The following ARHGAP26 variants were observed in gnomAD, a reference collection of about 807,000 sequenced individuals.
ARHGAP26 encodes the protein Rho GTPase activating protein 26.
In ARHGAP26, 38 loss-of-function variants were observed where a neutral mutation model predicts 104.8. That is an observed-to-expected ratio of 0.36 (90% CI 0.28 to 0.48). ARHGAP26 has a LOEUF of 0.48. Among genes scored for constraint, ARHGAP26 ranks in the 20% least tolerant of loss-of-function variants. ARHGAP26 has a pLI of 0.99. For missense variants in ARHGAP26, 704 were observed against 947.9 expected, an observed-to-expected ratio of 0.74 and a Z score of 3.38; for synonymous variants, 341 against 340.0, an observed-to-expected ratio of 1.00 and a Z score of -0.03.
chr5:142,981,453 A>G (rs1374808627), intron 11 of ARHGAP26, among the ~76,000 whole-genome samples: 1 of 152,176 alleles, frequency 6.6e-6, no homozygotes, highest in Non-Finnish European at 1.5e-5. Flanking sequence ...TGAGCCATGC[A>G]GGCACCTTCC....
intron 1 of ARHGAP26, among the ~76,000 whole-genome samples, chr5:142,858,629 C>T (rs1052693062): frequency 1.3e-5 from 2 of 152,136 alleles, no homozygotes; most frequent in African/African-American, 2.4e-5. Context: ...GGGCTTCTGG[C>T]GTGCTAGAAT....
intron 1 of ARHGAP26, 50 bp from the exon 2 acceptor site, chr5:142,873,350 G>C: frequency 1.4e-6 from 2 of 1,438,778 alleles, no homozygotes; most frequent in Non-Finnish European, 1.9e-6. Flanking sequence ...AAATCAGAAA[G>C]CCAGTTTAAT....
rs2152377431 is a variant in ARHGAP26, at chr5:142,877,278, C to T, written c.313-2096C>T. 3.3e-5 allele frequency among the ~76,000 whole-genome samples: 5 copies of T among 152,338 alleles called. No individual in the cohort carries two copies. The Middle Eastern group carries it at 0.014, about 415-fold the overall frequency. ...CAGTTAAGCTCAGCAAGCAAAGCCG[C>T]ACCTTCTCTGGGAAGCGTTTCCTGA... is the stretch of plus-strand genomic sequence containing the variant. On this transcript the variant is annotated intron_variant, in intron 3 of 22. Coordinates refer to ENST00000645722, the MANE Select transcript of ARHGAP26 (RefSeq NM_001135608.3).
At chr5:142,980,352 C>CTTTATTTTGT in intron 11 of ARHGAP26, among the ~76,000 whole-genome samples, 1 of 131,536 alleles carries the variant, frequency 7.6e-6, no homozygotes, top group East Asian at 2.2e-4. Context: ...CTCTAGGAAC[C>CTTTATTTTGT]TTTATTTTAT....
intron 1 of ARHGAP26, among the ~76,000 whole-genome samples, chr5:142,779,126 G>C (rs1173765519): frequency 6.6e-6 from 1 of 152,132 alleles, no homozygotes; most frequent in Non-Finnish European, 1.5e-5. Context: ...TAACCTCCAG[G>C]CTCAGGGACT....
At chr5:142,825,868 G>A (rs139682298) in intron 1 of ARHGAP26, among the ~76,000 whole-genome samples, 3 of 152,186 alleles carry the variant, frequency 2.0e-5, no homozygotes, top group Non-Finnish European at 2.9e-5. Flanking sequence ...CACAGTTCTC[G>A]AATCTGCCTG....
At chr5:143,066,849 G>C (rs3822393) in intron 17 of ARHGAP26, among the ~76,000 whole-genome samples, 110,875 of 152,108 alleles carry the variant, frequency 0.73, 40,785 homozygotes, top group African/African-American at 0.79. Context: ...CAGCACAGGG[G>C]CAGCTGGGAG....
At chr5:143,163,315 A>G (rs1189793391) in intron 20 of ARHGAP26, among the ~76,000 whole-genome samples, 1 of 152,164 alleles carries the variant, frequency 6.6e-6, no homozygotes, top group Non-Finnish European at 1.5e-5. Flanking sequence ...GGATCTTGGC[A>G]ATTGTAGGCA....
chr5:143,078,752 A>C (rs1455175414), intron 17 of ARHGAP26, among the ~76,000 whole-genome samples: 1 of 152,232 alleles, frequency 6.6e-6, no homozygotes, highest in African/African-American at 2.4e-5. Context: ...GCCTGTGTCC[A>C]ACTGTGGTGA....
At chr5:143,075,049 C>T (rs1788791804) in intron 17 of ARHGAP26, among the ~76,000 whole-genome samples, 1 of 152,196 alleles carries the variant, frequency 6.6e-6, no homozygotes, top group African/African-American at 2.4e-5. Flanking sequence ...AGTGGGTTAT[C>T]ATTAGATAAT....
chr5:142,789,808 C>G (rs1759429081), intron 1 of ARHGAP26, among the ~76,000 whole-genome samples: 2 of 152,174 alleles, frequency 1.3e-5, no homozygotes, highest in Admixed American at 1.3e-4. Context: ...CATATCTAGA[C>G]TGGGTTATGA....
intron 1 of ARHGAP26, among the ~76,000 whole-genome samples, chr5:142,786,260 G>GTT (rs374118455): frequency 1.3e-3 from 200 of 151,978 alleles, no homozygotes; most frequent in African/African-American, 4.4e-3. Flanking sequence ...GGGATTACAG[G>GTT]TGTAAGCCAT....
chr5:143,023,974 G>C (rs1358403052), intron 12 of ARHGAP26, among the ~76,000 whole-genome samples: 2 of 152,192 alleles, frequency 1.3e-5, no homozygotes, highest in Non-Finnish European at 2.9e-5. Flanking sequence ...AGGCGAGGTG[G>C]TATAATTCTA....
intron 1 of ARHGAP26, among the ~76,000 whole-genome samples, chr5:142,824,216 T>A (rs189228974): frequency 1.8e-4 from 28 of 152,344 alleles, no homozygotes; most frequent in Admixed American, 1.8e-3. Context: ...GGGATGTTCT[T>A]GCAATCCAGG....
In ARHGAP26 at chr5:143,167,482, C is replaced by CAA. The variant is rs6149274; in HGVS notation, c.1988+20136_1988+20137dup. The stretch of plus-strand genomic sequence containing the variant: ...TGCATGACAGAGCAAGACTCCATCT[C>CAA]AAAAAAAAAAAAAAAAAAAAAAAAA... On this transcript the variant is annotated intron_variant, in intron 20 of 22. Coordinates refer to ENST00000645722, the MANE Select transcript of ARHGAP26 (RefSeq NM_001135608.3). Among the ~76,000 whole-genome samples, 29 of 60,086 alleles carry CAA rather than the reference C, an allele frequency of 4.8e-4. 4 individuals are homozygous for CAA. Among genetic ancestry groups the CAA allele is most frequent in the Non-Finnish European group, 5.8e-4 (21 of 36,286 alleles). The allele number at this position is 60,086 out of a possible 152,430, so 39.4% of individuals were successfully genotyped here. A position where few individuals can be genotyped will look rare whatever the true frequency, so the allele number is the denominator to read the frequency against.
chr5:142,943,027 T>G (rs1399000319), intron 11 of ARHGAP26, among the ~76,000 whole-genome samples: 1 of 152,210 alleles, frequency 6.6e-6, no homozygotes, highest in Non-Finnish European at 1.5e-5. Context: ...GTGATCCACC[T>G]GCCTTGGCCT....
At chr5:143,022,046 T>G (rs1397093329) in intron 12 of ARHGAP26, among the ~76,000 whole-genome samples, 3 of 151,924 alleles carry the variant, frequency 2.0e-5, no homozygotes, top group African/African-American at 7.3e-5. Context: ...TGGGGGAACA[T>G]AAGTTCTCTG....
intron 11 of ARHGAP26, among the ~76,000 whole-genome samples, chr5:142,991,812 G>A (rs1293625571): frequency 2.0e-5 from 3 of 152,166 alleles, no homozygotes; most frequent in Admixed American, 1.3e-4. Flanking sequence ...TATGATGTTT[G>A]TAGGGCAACA....
At chr5:143,172,163 A>G (rs853164) in intron 20 of ARHGAP26, among the ~76,000 whole-genome samples, 40,763 of 152,094 alleles carry the variant, frequency 0.27, 5,911 homozygotes, top group East Asian at 0.47. Flanking sequence ...AAGTCTTTGT[A>G]TGCTGACAAA....
Sources: gnomAD v4.1 joint callset for allele counts (sites outside exome capture counted in the v4.1 genomes callset) on GRCh38, gnomAD v4.1.1 for gene constraint, MANE v1.5 for transcripts, NCBI Gene and HGNC (gene_info 2026-07-23, HGNC 2026-07-21) for gene names.